The following CDK11B variants were observed in gnomAD, a reference collection of about 807,000 sequenced individuals.
CDK11B encodes cyclin dependent kinase 11B, also known as cyclin-dependent kinase 11B.
CDK11B carries 37 observed loss-of-function variants against 84.0 expected under a neutral mutation model. The ratio of observed to expected loss-of-function variants is 0.44; its 90% CI spans 0.34 to 0.58. CDK11B has a LOEUF of 0.58. Among genes scored for constraint, CDK11B ranks in the 20% least tolerant of loss-of-function variants. CDK11B has a pLI of 0.02. For synonymous variants in CDK11B, 269 were observed against 309.8 expected (o/e 0.87, Z 1.38); for missense variants, 427 against 834.0 (o/e 0.51, Z 6.01).
intron 3 of CDK11B, among the ~76,000 whole-genome samples, chr1:1,653,866 G>A (rs903569992): frequency 1.4e-4 from 11 of 77,662 alleles, no homozygotes; most frequent in Non-Finnish European, 2.2e-4. Flanking sequence ...ACACACACCC[G>A]AGCGTGGTGG....
intron 5 of CDK11B, among the ~76,000 whole-genome samples, chr1:1,647,880 C>T: frequency 6.6e-6 from 1 of 152,218 alleles, no homozygotes; most frequent in East Asian, 1.9e-4. Flanking sequence ...ACTGCAGGTC[C>T]TGCAGCTGCC....
At chr1:1,652,313 C>T (rs1243282313) in intron 4 of CDK11B, 126 bp downstream of exon 4, 9 of 768,888 alleles carry the variant, frequency 1.2e-5, no homozygotes, top group Admixed American at 3.5e-5. Context: ...CTGTGACACA[C>T]GTATGCTTTC....
chr1:1,637,296 C>T (rs1031807328), intron 14 of CDK11B, 94 bp from the exon 15 acceptor site: 93 of 1,571,832 alleles, frequency 5.9e-5, no homozygotes, highest in Non-Finnish European at 7.3e-5. Context: ...AGAGGCTTCT[C>T]AGGGCTTTCC....
intron 2 of CDK11B, among the ~76,000 whole-genome samples, chr1:1,656,611 GA>G (rs1297724784): frequency 6.6e-6 from 1 of 152,082 alleles, no homozygotes; most frequent in Non-Finnish European, 1.5e-5. Flanking sequence ...GACACCGTGA[GA>G]CCCCATCTCT....
chr1:1,649,844 A>G (rs1207596860), intron 4 of CDK11B, among the ~76,000 whole-genome samples: 52 of 150,766 alleles, frequency 3.4e-4, no homozygotes, highest in East Asian at 9.9e-4. Context: ...GCGTGGTGGC[A>G]GGCACCTGTA....
intron 1 of CDK11B, among the ~76,000 whole-genome samples, chr1:1,658,198 A>C: frequency 6.7e-6 from 1 of 150,138 alleles, no homozygotes; most frequent in Non-Finnish European, 1.5e-5. Context: ...ATAAGTTGTA[A>C]GCCAGGCAAG....
chr1:1,658,490 T>C (rs1643093984), intron 1 of CDK11B, among the ~76,000 whole-genome samples: 1 of 147,666 alleles, frequency 6.8e-6, no homozygotes, highest in Non-Finnish European at 1.5e-5. Context: ...AGATCATCCG[T>C]TTAAAGGCTC....
chr1:1,654,060 T>G (rs1642394803), intron 3 of CDK11B: 1 of 433,654 alleles, frequency 2.3e-6, no homozygotes, highest in East Asian at 7.0e-5. Flanking sequence ...AAGCGTCATT[T>G]AACAGTATCT....
intron 2 of CDK11B, among the ~76,000 whole-genome samples, chr1:1,656,772 G>A (rs1272232546): frequency 5.9e-5 from 9 of 152,152 alleles, no homozygotes; most frequent in Non-Finnish European, 1.0e-4. Flanking sequence ...CTAACAAAGT[G>A]AGCACATGCT....
At chr1:1,651,619 TTAGC>T (rs1642017781) in intron 4 of CDK11B, among the ~76,000 whole-genome samples, 1 of 147,938 alleles carries the variant, frequency 6.8e-6, no homozygotes, top group African/African-American at 2.6e-5. Context: ...ATGCATGCTT[TTAGC>T]TAGAGTTTGC....
chr1:1,636,367 G>C lies in CDK11B; in HGVS notation c.2032C>G (p.Leu678Val). The C allele has an allele frequency of 6.3e-7, 1 of 1,597,360 alleles. No homozygotes were observed. The highest frequency in any genetic ancestry group is 8.5e-7 in the Non-Finnish European group (1 of 1,171,568). ...AGGTCGAAGCCCTGGTCTGAGAGCA[G>C]AGCCCCGAAGCGCTTGCGGAGGTTG... ...YNNLRKRFGA[L>V]LSDQGFDLMN... The change falls in exon 18 of 20, where the codon CTG (leucine) becomes GTG (valine). Residue 678 changes from leucine to valine, a missense_variant. Physicochemically the swap from Leu to Val is conservative, Grantham distance 32 (BLOSUM62 1). This residue lies in a region of CDK11B where 170 missense variants were observed against 196.0 expected (regional missense o/e 0.87). Coordinates refer to ENST00000341832, the MANE Select transcript of CDK11B (RefSeq NM_033486.3).
intron 3 of CDK11B, chr1:1,654,149 T>C (rs1366861900): frequency 2.1e-6 from 1 of 465,374 alleles, no homozygotes; most frequent in Admixed American, 2.3e-5. Context: ...TACCGTAATT[T>C]CTGGCTGTGT....
chr1:1,639,825 C>T (rs910567486), intron 11 of CDK11B, among the ~76,000 whole-genome samples: 1 of 152,092 alleles, frequency 6.6e-6, no homozygotes, highest in African/African-American at 2.4e-5. Flanking sequence ...TTATTGATAG[C>T]TGCCTAAGCA....
At position 1,636,678 on chromosome 1, in the gene CDK11B, C is replaced by A. The variant is rs1415790617; in HGVS notation, c.1917+4G>T. The A allele has an allele frequency of 3.7e-6, 6 of 1,613,942 alleles. No homozygotes were observed. Among genetic ancestry groups the A allele is most frequent in the South Asian group, 1.1e-5 (1 of 91,086 alleles). The stretch of plus-strand genomic sequence containing the variant: ...CAGCGCACCTGCAGCAGGGCCAGAC[C>A]CACCTTGAACACCTTGTTGATCTGA... On this transcript the variant is annotated splice_donor_region_variant and intron_variant, in intron 17 of 19. Transcript: ENST00000341832.
At chr1:1,657,640 G>A (rs1198757067) in intron 1 of CDK11B, 142 bp from the exon 2 acceptor site, 34 of 680,980 alleles carry the variant, frequency 5.0e-5, no homozygotes, top group Middle Eastern at 4.0e-4. Flanking sequence ...GGCTCAAGAC[G>A]GTAACCCTAG....
At chr1:1,648,751 C>G (rs4648756) in intron 5 of CDK11B, among the ~76,000 whole-genome samples, 8,619 of 152,198 alleles carry the variant, frequency 0.057, 429 homozygotes, top group East Asian at 0.28. Flanking sequence ...GAATTCCAGA[C>G]TGTTTCAAGG....
chr1:1,650,737 G>A (rs1211998172), intron 4 of CDK11B, among the ~76,000 whole-genome samples: 1 of 146,934 alleles, frequency 6.8e-6, no homozygotes, highest in Admixed American at 6.9e-5. Context: ...TGAACTCCCG[G>A]ACTCAATTGA....
At position 1,652,415 on chromosome 1, in the gene CDK11B, CAAAG is replaced by C. The variant is rs1167803061; in HGVS notation, c.355+20_355+23del. Reference sequence around the variant, plus strand: ...AAGAAACCACACTTGAACATGATGTCAAAGAAAGTAAATGCTTCTGTACCCCCTT... The same window carrying C: ...AAGAAACCACACTTGAACATGATGTCAAAGTAAATGCTTCTGTACCCCCTT... On this transcript the variant is annotated intron_variant, in intron 4 of 19. Coordinates refer to ENST00000341832, the MANE Select transcript of CDK11B (RefSeq NM_033486.3). The C allele has an allele frequency of 6.7e-7, 1 of 1,484,796 alleles. No homozygotes were observed. The highest frequency in any genetic ancestry group is 2.8e-5 in the Admixed American group (1 of 35,810). 92.0% of individuals were successfully genotyped at this position (1,484,796 alleles called of 1,614,324 possible).
At chr1:1,639,458 T>C (rs1187931243) in intron 11 of CDK11B, among the ~76,000 whole-genome samples, 3 of 151,796 alleles carry the variant, frequency 2.0e-5, no homozygotes, top group Non-Finnish European at 4.4e-5. Flanking sequence ...TCAAACTGGA[T>C]GTGTCCCCTG....
Sources: gnomAD v4.1 joint callset for allele counts (sites outside exome capture counted in the v4.1 genomes callset) on GRCh38, gnomAD v4.1.1 for gene constraint, gnomAD v4.1.1 regional missense constraint, MANE v1.5 for transcripts, NCBI Gene and HGNC (gene_info 2026-07-23, HGNC 2026-07-21) for gene names.